The following STOML2 variants were observed in gnomAD, a reference collection of about 807,000 sequenced individuals.
STOML2 encodes stomatin-like protein 2, mitochondrial.
A neutral mutation model predicts 45.7 loss-of-function variants in STOML2; 22 were observed. The ratio of observed to expected loss-of-function variants is 0.48; its 90% CI spans 0.34 to 0.69. The LOEUF is 0.69. Among genes scored for constraint, STOML2 ranks in the 30% least tolerant of loss-of-function variants. STOML2 has a pLI of 0.01. For missense variants in STOML2, 359 were observed against 466.9 expected (o/e 0.77, Z 2.13); for synonymous variants, 181 against 182.7 (o/e 0.99, Z 0.08).
chr9:35,103,057 A>G lies in STOML2; in HGVS notation c.38T>C (p.Leu13Ser). The change falls in exon 1 of 10, where the codon TTG becomes TCG. Residue 13 changes from leucine (L) to serine (S), a missense_variant. Transcript: ENST00000356493. The stretch of plus-strand genomic sequence containing the variant: ...AGGTTGCCTCGCTCTCACCCTCAGC[A>G]AAAGGGCCCCAGTGCCCCGCGCCGC... ...ARAARGTGAL[L>S]LRGSLLASGR... The G allele has an allele frequency of 6.2e-7, 1 of 1,614,080 alleles. No homozygotes were observed.
rs778482698 is a variant in STOML2 at position 35,102,574 on chromosome 9, C to T, written c.183+112G>A. 345 of 1,516,600 alleles carry T rather than the reference C, an allele frequency of 2.3e-4. No individual in the cohort carries two copies. The highest frequency in any genetic ancestry group is 2.5e-4 in the Non-Finnish European group (281 of 1,130,834). The allele number at this position is 1,516,600 out of a possible 1,614,324, so 93.9% of individuals were successfully genotyped here. ...CCTGGGCCCTGTCAGGTCTGGCCTA[C>T]AGAGTCGGGAGCTAACAGTGCGGGC... is the stretch of plus-strand genomic sequence containing the variant. On this transcript the variant is annotated intron_variant, in intron 2 of 9. Transcript: ENST00000356493. This position sits in a 1 kb window ranked among gnomAD's most constrained non-coding sequence, Gnocchi z 4.8.
rs1282205878 is a variant in STOML2, at chr9:35,102,744, G to C, written c.125C>G (p.Pro42Arg). 2 of 1,613,944 alleles carry C rather than the reference G, an allele frequency of 1.2e-6. No individual in the cohort carries two copies. Among genetic ancestry groups the C allele is most frequent in the South Asian group, 2.2e-5 (2 of 91,078 alleles). ...CTCCACCACCCAGGCCTCCTGCTGC[G>C]GCACGAACAGTACCACGGTGTTTCG... ...LPRNTVVLFV[P>R]QQEAWVVERM... The change falls in exon 2 of 10, where the codon CCG (proline) becomes CGG (arginine). Residue 42 changes from proline to arginine, a missense_variant. Coordinates refer to ENST00000356493, the MANE Select transcript of STOML2 (RefSeq NM_013442.3). The surrounding 1 kb of genome is among the most constrained non-coding windows in gnomAD (Gnocchi z 4.8).
At position 35,102,208 on chromosome 9, in the gene STOML2, T is replaced by C; in HGVS notation, c.184-14A>G. 6.2e-7 allele frequency: 1 copy of C among 1,608,498 alleles called. No homozygotes were observed. Among genetic ancestry groups the C allele is most frequent in the Non-Finnish European group, 8.5e-7 (1 of 1,176,232 alleles). On this transcript the variant is annotated splice_polypyrimidine_tract_variant and intron_variant, in intron 2 of 9. Coordinates refer to ENST00000356493, the MANE Select transcript of STOML2 (RefSeq NM_013442.3). The surrounding 1 kb of genome is among the most constrained non-coding windows in gnomAD (Gnocchi z 4.8). ...GATGTTCAAACCCTGGAAAGAGGAG[T>C]CATGGGTCCTCAGAAGGCTGGGAAC...
In STOML2 at chr9:35,101,340, C is replaced by A. The variant is rs547605574; in HGVS notation, c.580-61G>T. ...GGGAGACTGATACAGACATGCAACT[C>A]TACCCATCATAACAGGAGGGAAGTC... On this transcript the variant is annotated intron_variant, in intron 6 of 9. Coordinates refer to ENST00000356493, the MANE Select transcript of STOML2 (RefSeq NM_013442.3). The surrounding 1 kb of genome is among the most constrained non-coding windows in gnomAD (Gnocchi z 4.3). 3.1e-6 allele frequency: 5 copies of A among 1,613,332 alleles called. No homozygotes were observed. The East Asian group carries it at 1.1e-4, about 36-fold the overall frequency.
chr9:35,101,599 C>G lies in STOML2; in HGVS notation c.445-39G>C, dbSNP rs1472474971. 1 of 1,613,928 alleles carries G rather than the reference C, an allele frequency of 6.2e-7. No homozygotes were observed. The highest frequency in any genetic ancestry group is 1.3e-5 in the African/African-American group (1 of 75,038). On this transcript the variant is annotated intron_variant, in intron 5 of 9. Transcript: ENST00000356493. The surrounding 1 kb of genome is among the most constrained non-coding windows in gnomAD (Gnocchi z 4.3). ...TGTAAGCCCCACAGCCTCAACCTACCTATCAAGGGCCTACACTGAGAAGGG... is the reference window on the plus strand; with the variant it reads ...TGTAAGCCCCACAGCCTCAACCTACGTATCAAGGGCCTACACTGAGAAGGG...
Position 35,102,283 on chromosome 9 carries a change from A to G in STOML2, c.184-89T>C. On this transcript the variant is annotated intron_variant, in intron 2 of 9. Coordinates refer to ENST00000356493, the MANE Select transcript of STOML2 (RefSeq NM_013442.3). This position sits in a 1 kb window ranked among gnomAD's most constrained non-coding sequence, Gnocchi z 4.8. ...CCTGGAGTATGTAGGGAGTCAACAC[A>G]TGGAACATGCCCAGAAAAGCAGCAG... is the stretch of plus-strand genomic sequence containing the variant. 1 of 1,109,926 alleles carries G rather than the reference A, an allele frequency of 9.0e-7. No homozygotes were observed. The highest frequency in any genetic ancestry group is 2.2e-4 in the Middle Eastern group (1 of 4,538). The allele number at this position is 1,109,926 out of a possible 1,614,324, so 68.8% of individuals were successfully genotyped here.
rs1370843164 is a variant in STOML2 at position 35,100,870 on chromosome 9, T to C, written c.804+62A>G. 2.5e-6 allele frequency: 4 copies of C among 1,612,918 alleles called. No homozygotes were observed. In the South Asian group the frequency reaches 3.3e-5, roughly 13 times the overall value. ...ACAGAGGCGGAACTCTCCTCAAGCG[T>C]AGATAAGAGAACCCCTTCCACTGTC... On this transcript the variant is annotated intron_variant, in intron 8 of 9. Coordinates refer to ENST00000356493, the MANE Select transcript of STOML2 (RefSeq NM_013442.3).
In STOML2 at chr9:35,101,172, G is replaced by A. The variant is rs747491999; in HGVS notation, c.687C>T (p.Ser229=). 9.3e-6 allele frequency: 15 copies of A among 1,614,162 alleles called. No individual in the cohort carries two copies. The highest frequency in any genetic ancestry group is 5.5e-5 in the South Asian group (5 of 91,084). ...EGKKQAQILA[S]EAEKAEQINQ... is the part of the protein sequence containing the mutation. ...TTATCTGTTCAGCCTTTTCTGCTTC[G>A]GAGGCCAGGATCTGGGCCTGTTTCT... The change falls in exon 7 of 10, where the codon TCC becomes TCT. Residue 229 remains serine, a synonymous_variant. Coordinates refer to ENST00000356493, the MANE Select transcript of STOML2 (RefSeq NM_013442.3). The surrounding 1 kb of genome is among the most constrained non-coding windows in gnomAD (Gnocchi z 4.3).
Position 35,101,259 on chromosome 9 carries a change from T to C in STOML2, c.600A>G (p.Lys200=), listed in dbSNP as rs1300348729. 2 of 1,614,074 alleles carry C rather than the reference T, an allele frequency of 1.2e-6. No individual in the cohort carries two copies. The highest frequency in any genetic ancestry group is 1.7e-6 in the Non-Finnish European group (2 of 1,180,012). The change falls in exon 7 of 10, where the codon AAA becomes AAG. Residue 200 remains lysine (K), a synonymous_variant. Coordinates refer to ENST00000356493, the MANE Select transcript of STOML2 (RefSeq NM_013442.3). The surrounding 1 kb of genome is among the most constrained non-coding windows in gnomAD (Gnocchi z 4.3). ...MQMQVEAERR[K]RATVLESEGT... ...CCTCAGACTCTAGAACTGTGGCCCG[T>C]TTCCGCCGCTCTGCCTCCACCTGGA...
chr9:35,100,064 C>CG lies in STOML2; in HGVS notation c.1041_1042insC (p.Glu348ArgfsTer4). On this transcript the variant is annotated frameshift_variant, in exon 10 of 10. Coordinates refer to ENST00000356493, the MANE Select transcript of STOML2 (RefSeq NM_013442.3). LOFTEE classifies it high-confidence loss of function. ...CTCATCTTGACTCGATCAAGTTCCT[C>CG]ATCAAGACTTGCATCTGTACCCTGG... The CG allele has an allele frequency of 6.2e-7, 1 of 1,614,226 alleles. No homozygotes were observed. Among genetic ancestry groups the CG allele is most frequent in the Non-Finnish European group, 8.5e-7 (1 of 1,180,028 alleles).
In STOML2 at chr9:35,101,095, C is replaced by T. The variant is rs1002036528; in HGVS notation, c.724+40G>A. The T allele has an allele frequency of 1.2e-5, 19 of 1,613,714 alleles. No individual in the cohort carries two copies. The highest frequency in any genetic ancestry group is 1.5e-5 in the Non-Finnish European group (18 of 1,179,766). ...TGCCCCAGCACCAATCTTCAAAGGC[C>T]CATGCCTTGCTCCTCCCTCAGCCTC... On this transcript the variant is annotated intron_variant, in intron 7 of 9. Transcript: ENST00000356493. This position sits in a 1 kb window ranked among gnomAD's most constrained non-coding sequence, Gnocchi z 4.3.
In STOML2 at chr9:35,102,803, G is replaced by A. The variant is rs1829852317; in HGVS notation, c.66C>T (p.Gly22=). 4 of 1,613,858 alleles carry A rather than the reference G, an allele frequency of 2.5e-6. No individual in the cohort carries two copies. Among genetic ancestry groups the A allele is most frequent in the Non-Finnish European group, 3.4e-6 (4 of 1,179,908 alleles). ...LLLRGSLLAS[G]RAPRRASSGL... Reference sequence around the variant, plus strand: ...CAGAGGAGGCGCGGCGCGGAGCGCGGCCAGAAGCCAGTAGAGAGCCCTGAA... The same window carrying A: ...CAGAGGAGGCGCGGCGCGGAGCGCGACCAGAAGCCAGTAGAGAGCCCTGAA... Residue 22 remains glycine (G), a synonymous_variant, in exon 2 of 10, where the codon GGC becomes GGT. Coordinates refer to ENST00000356493, the MANE Select transcript of STOML2 (RefSeq NM_013442.3). This position sits in a 1 kb window ranked among gnomAD's most constrained non-coding sequence, Gnocchi z 4.8.
chr9:35,103,062 G>A lies in STOML2; in HGVS notation c.33C>T (p.Ala11=), dbSNP rs1428898934. The A allele has an allele frequency of 6.8e-6, 11 of 1,614,002 alleles. No individual in the cohort carries two copies. Among genetic ancestry groups the A allele is most frequent in the Non-Finnish European group, 8.5e-6 (10 of 1,179,994 alleles). The stretch of plus-strand genomic sequence containing the variant: ...GCCTCGCTCTCACCCTCAGCAAAAG[G>A]GCCCCAGTGCCCCGCGCCGCGCGCG... The part of the protein sequence containing the change: MLARAARGTG[A]LLLRGSLLAS... The change falls in exon 1 of 10, where the codon GCC becomes GCT. Residue 11 remains alanine, a synonymous_variant. Transcript: ENST00000356493.
rs1270017915 is a variant in STOML2, at chr9:35,102,662, G to A, written c.183+24C>T. 5.0e-6 allele frequency: 8 copies of A among 1,611,318 alleles called. No homozygotes were observed. Among genetic ancestry groups the A allele is most frequent in the Non-Finnish European group, 5.9e-6 (7 of 1,179,646 alleles). ...AGGGATTGGTCATCTGGCTGGCCCAGGGTGGGCAGAAGAGGTTTCTCACAG... is the reference window on the plus strand; with the variant it reads ...AGGGATTGGTCATCTGGCTGGCCCAAGGTGGGCAGAAGAGGTTTCTCACAG... On this transcript the variant is annotated intron_variant, in intron 2 of 9. Coordinates refer to ENST00000356493, the MANE Select transcript of STOML2 (RefSeq NM_013442.3). This position sits in a 1 kb window ranked among gnomAD's most constrained non-coding sequence, Gnocchi z 4.8.
rs1355714449 is a variant in STOML2, at chr9:35,102,626, T to C, written c.183+60A>G. 7 of 1,596,068 alleles carry C rather than the reference T, an allele frequency of 4.4e-6. No homozygotes were observed. The Admixed American group carries it at 7.0e-5, about 16-fold the overall frequency. On this transcript the variant is annotated intron_variant, in intron 2 of 9. Coordinates refer to ENST00000356493, the MANE Select transcript of STOML2 (RefSeq NM_013442.3). This position sits in a 1 kb window ranked among gnomAD's most constrained non-coding sequence, Gnocchi z 4.8. The stretch of plus-strand genomic sequence containing the variant: ...GGCCCAAAGGAAGTCCTCCCGACAT[T>C]GCATGTCGTGAGGGATTGGTCATCT...
intron 9 of STOML2, 100 bp downstream of exon 9, chr9:35,100,498 C>T: frequency 6.5e-7 from 1 of 1,536,540 alleles, no homozygotes; most frequent in Non-Finnish European, 8.9e-7. Flanking sequence ...CCAAGGCACT[C>T]TGAAGACCTT....
intron 8 of STOML2, 65 bp downstream of exon 8, chr9:35,100,867 G>A: frequency 1.2e-6 from 2 of 1,612,468 alleles, no homozygotes; most frequent in Non-Finnish European, 1.7e-6. Context: ...CTCTCCTCAA[G>A]CGTAGATAAG....
chr9:35,102,246 A>C lies in STOML2; in HGVS notation c.184-52T>G. ...GAAGGCTGGGAACTATTGGGTTGGG[A>C]CCTAAGCTAGTCCTGGAGTATGTAG... On this transcript the variant is annotated intron_variant, in intron 2 of 9. Coordinates refer to ENST00000356493, the MANE Select transcript of STOML2 (RefSeq NM_013442.3). This position sits in a 1 kb window ranked among gnomAD's most constrained non-coding sequence, Gnocchi z 4.8. 1 of 1,517,462 alleles carries C rather than the reference A, an allele frequency of 6.6e-7. No individual in the cohort carries two copies. Among genetic ancestry groups the C allele is most frequent in the Non-Finnish European group, 9.1e-7 (1 of 1,097,206 alleles). The allele number at this position is 1,517,462 out of a possible 1,614,324, so 94.0% of individuals were successfully genotyped here. A position where few individuals can be genotyped will look rare whatever the true frequency, so the allele number is the denominator to read the frequency against.
In STOML2 at chr9:35,102,003, AG is replaced by A; in HGVS notation, c.284-42del. 1.9e-6 allele frequency: 3 copies of A among 1,613,742 alleles called. No individual in the cohort carries two copies. The highest frequency in any genetic ancestry group is 2.5e-6 in the Non-Finnish European group (3 of 1,179,674). ...AGAAAACGGGGAAAGTCAGGCCTCT[AG>A]GTCCCAACCAGTTCTTTCTACTAAG... On this transcript the variant is annotated intron_variant, in intron 3 of 9. Transcript: ENST00000356493. The surrounding 1 kb of genome is among the most constrained non-coding windows in gnomAD (Gnocchi z 4.8).
Sources: allele counts gnomAD v4.1 joint callset, GRCh38; gene constraint gnomAD v4.1.1; non-coding constraint Gnocchi (gnomAD v3.1); transcripts MANE v1.5; gene names NCBI Gene and HGNC (gene_info 2026-07-23, HGNC 2026-07-21).